The following BCL6 variants were observed in gnomAD, a reference collection of about 807,000 sequenced individuals.
BCL6 encodes the protein B-cell lymphoma 6 protein.
In BCL6, 7 loss-of-function variants were observed where a neutral mutation model predicts 59.5. The ratio of observed to expected loss-of-function variants is 0.12; its 90% CI spans 0.07 to 0.22. The LOEUF is 0.22. Ranked by LOEUF, BCL6 falls within the 10% of genes least tolerant of loss-of-function variation. The pLI is 1.00. For synonymous variants in BCL6, 339 were observed against 349.7 expected (o/e 0.97, Z 0.34); for missense variants, 685 against 939.4 (o/e 0.73, Z 3.54).
chr3:187,724,935 A>G lies in BCL6; in HGVS notation c.1977+6T>C. 4 of 1,613,634 alleles carry G rather than the reference A, an allele frequency of 2.5e-6. No homozygotes were observed. Among genetic ancestry groups the G allele is most frequent in the Non-Finnish European group, 3.4e-6 (4 of 1,179,888 alleles). On this transcript the variant is annotated splice_donor_region_variant and intron_variant, in intron 9 of 9. Coordinates refer to ENST00000406870, the MANE Select transcript of BCL6 (RefSeq NM_001706.5). Reference sequence around the variant, plus strand: ...GTCAGAGAGCGGCCTCAAGAGGCTTACGTACATGGTAAGGTTTCTCTCCTG... The same window carrying G: ...GTCAGAGAGCGGCCTCAAGAGGCTTGCGTACATGGTAAGGTTTCTCTCCTG...
At position 187,745,448 on chromosome 3, in the gene BCL6, A is replaced by T. The variant is rs1711911445; in HGVS notation, c.-88T>A. On this transcript the variant is annotated 5_prime_UTR_variant, in exon 1 of 10. Coordinates refer to ENST00000406870, the MANE Select transcript of BCL6 (RefSeq NM_001706.5). ...TTTCCTAGAAACTTCTTGCATCACC[A>T]CTTCTAAGAACCCCAGTTCTAAGAA... 2.5e-6 allele frequency: 1 copy of T among 399,436 alleles called. No individual in the cohort carries two copies. Among genetic ancestry groups the T allele is most frequent in the East Asian group, 3.6e-5 (1 of 28,072 alleles). The allele number at this position is 399,436 out of a possible 1,614,324, so 24.7% of individuals were successfully genotyped here. A position where few individuals can be genotyped will look rare whatever the true frequency, so the allele number is the denominator to read the frequency against.
intron 1 of BCL6, among the ~76,000 whole-genome samples, chr3:187,743,308 A>G (rs1332526937): frequency 7.1e-6 from 1 of 140,862 alleles, no homozygotes; most frequent in Non-Finnish European, 1.5e-5. Flanking sequence ...TCCATAAAAG[A>G]TTAAATCCTG....
At chr3:187,744,675 G>A (rs1489165230) in intron 1 of BCL6, among the ~76,000 whole-genome samples, 3 of 152,304 alleles carry the variant, frequency 2.0e-5, no homozygotes, top group South Asian at 2.1e-4. Context: ...CGAGGCCGAT[G>A]GAAGAGAGCC....
chr3:187,737,732 A>T (rs1719356581), intron 1 of BCL6: 1 of 141,658 alleles, frequency 7.1e-6, no homozygotes, highest in Admixed American at 7.0e-5. Flanking sequence ...GCACCTCGGT[A>T]GCTAACATTG....
At chr3:187,743,121 CCA>C (rs1385229608) in intron 1 of BCL6, among the ~76,000 whole-genome samples, 1 of 152,020 alleles carries the variant, frequency 6.6e-6, no homozygotes, top group Non-Finnish European at 1.5e-5. Flanking sequence ...TCGCTCAGAG[CCA>C]CAAACTGTAT....
At chr3:187,728,917 A>G in intron 5 of BCL6, 133 bp downstream of exon 5, 2 of 1,252,506 alleles carry the variant, frequency 1.6e-6, no homozygotes, top group Non-Finnish European at 2.1e-6. Flanking sequence ...TTCCTTACTC[A>G]GACTAACTCA....
intron 3 of BCL6, among the ~76,000 whole-genome samples, 192 bp from the exon 4 acceptor site, chr3:187,732,122 G>T (rs1719076049): frequency 6.6e-6 from 1 of 152,134 alleles, no homozygotes; most frequent in African/African-American, 2.4e-5. Context: ...ATTATCGTTT[G>T]CTCCTTACAA....
intron 1 of BCL6, among the ~76,000 whole-genome samples, chr3:187,740,959 G>T (rs1711565323): frequency 6.6e-6 from 1 of 152,160 alleles, no homozygotes; most frequent in Admixed American, 6.5e-5. Flanking sequence ...CCTAGCATCT[G>T]GTCAGGGTAC....
intron 1 of BCL6, among the ~76,000 whole-genome samples, chr3:187,743,805 C>A (rs1351197845): frequency 6.6e-6 from 1 of 151,572 alleles, no homozygotes; most frequent in African/African-American, 2.4e-5. Context: ...CTCCCCGGGC[C>A]GCCGCCGCCG....
In BCL6 at chr3:187,722,504, C is replaced by T. The variant is rs750212558; in HGVS notation, c.2075G>A (p.Arg692His). 34 of 1,613,712 alleles carry T rather than the reference C, an allele frequency of 2.1e-5. 1 individual carries two copies. In the South Asian group the frequency reaches 2.4e-4, roughly 11 times the overall value. ...CGGAGGCAGGTCAGTGGCTGACACG[C>T]GGTATTGCACCTTGGTGTTGGTGAT... ...GAITNTKVQYRVSATDLPPEL... is the reference protein window; with the variant it reads ...GAITNTKVQYHVSATDLPPEL... The change falls in exon 10 of 10, where the codon CGC becomes CAC. Residue 692 changes from arginine to histidine, a missense_variant. Transcript: ENST00000406870.
At chr3:187,740,831 T>C (rs1047466385) in intron 1 of BCL6, among the ~76,000 whole-genome samples, 10 of 152,226 alleles carry the variant, frequency 6.6e-5, no homozygotes, top group African/African-American at 2.2e-4. Flanking sequence ...TTAGTGCAAA[T>C]AGATGCTCAT....
intron 9 of BCL6, among the ~76,000 whole-genome samples, chr3:187,722,803 C>T (rs1326624265): frequency 6.6e-6 from 1 of 152,188 alleles, no homozygotes; most frequent in Non-Finnish European, 1.5e-5. Context: ...CCCTGCTTTC[C>T]CAAGTGTTGC....
chr3:187,724,388 C>A (rs1010352542), intron 9 of BCL6, among the ~76,000 whole-genome samples: 6 of 152,204 alleles, frequency 3.9e-5, no homozygotes, highest in African/African-American at 1.4e-4. Context: ...CATTCCAATC[C>A]CAGTGAACCT....
chr3:187,722,390 A>G lies in BCL6; in HGVS notation c.*68T>C. 3 of 1,479,330 alleles carry G rather than the reference A, an allele frequency of 2.0e-6. No individual in the cohort carries two copies. Among genetic ancestry groups the G allele is most frequent in the Non-Finnish European group, 2.7e-6 (3 of 1,103,836 alleles). 91.6% of individuals were successfully genotyped at this position (1,479,330 alleles called of 1,614,324 possible). On this transcript the variant is annotated 3_prime_UTR_variant, in exon 10 of 10. Transcript: ENST00000406870. ...CTACATCATGGGATGAACATTGTAA[A>G]GTGTTACAGTATCCTTTGGGTAGAT...
Position 187,725,395 on chromosome 3 carries a change from C to G in BCL6, c.1839+104G>C. ...TCACCTGCCCGCTCCGCTTGCCTGC[C>G]CGCTCCACTTGCCTGCCCACTCCTC... is the stretch of plus-strand genomic sequence containing the variant. On this transcript the variant is annotated intron_variant, in intron 8 of 9. Coordinates refer to ENST00000406870, the MANE Select transcript of BCL6 (RefSeq NM_001706.5). This position sits in a 1 kb window ranked among gnomAD's most constrained non-coding sequence, Gnocchi z 4.7. 6.4e-7 allele frequency: 1 copy of G among 1,557,412 alleles called. No homozygotes were observed. The highest frequency in any genetic ancestry group is 1.2e-5 in the South Asian group (1 of 84,028).
chr3:187,739,066 C>G (rs1407555140), intron 1 of BCL6, among the ~76,000 whole-genome samples: 1 of 152,146 alleles, frequency 6.6e-6, no homozygotes, highest in African/African-American at 2.4e-5. Flanking sequence ...TCCCATTGAC[C>G]TAGTTTGGCC....
chr3:187,735,452 G>A (rs1719243087), intron 1 of BCL6, among the ~76,000 whole-genome samples: 1 of 152,162 alleles, frequency 6.6e-6, no homozygotes, highest in South Asian at 2.1e-4. Flanking sequence ...CAAACAGCTA[G>A]GCAGTATTTC....
At chr3:187,732,015 C>T in intron 3 of BCL6, 85 bp from the exon 4 acceptor site, 1 of 1,169,642 alleles carries the variant, frequency 8.5e-7, no homozygotes, top group African/African-American at 1.5e-5. Context: ...AGCCCCTTTC[C>T]CCTGGGCCTA....
intron 1 of BCL6, among the ~76,000 whole-genome samples, chr3:187,744,331 C>A (rs1576884740): frequency 6.6e-6 from 1 of 152,064 alleles, no homozygotes; most frequent in Admixed American, 6.5e-5. Flanking sequence ...TCCCACCCAC[C>A]CCAAGAAGCC....
Sources: allele counts gnomAD v4.1 joint callset (sites outside exome capture counted in the v4.1 genomes callset), GRCh38; gene constraint gnomAD v4.1.1; non-coding constraint Gnocchi (gnomAD v3.1); transcripts MANE v1.5; gene names NCBI Gene and HGNC (gene_info 2026-07-23, HGNC 2026-07-21).